Variants in MAGI1 observed in about 807,000 individuals in gnomAD.
MAGI1 encodes the protein membrane-associated guanylate kinase, WW and PDZ domain-containing protein 1.
Under a neutral mutation model 139.9 loss-of-function variants are expected in MAGI1, and 58 were observed. The observed-to-expected ratio is 0.41, with a 90% CI of 0.34 to 0.52. The LOEUF (loss-of-function observed/expected upper bound fraction) is 0.52, where lower values mean the gene tolerates loss of function less well. Among genes scored for constraint, MAGI1 ranks in the 20% least tolerant of loss-of-function variants. The pLI, the probability that MAGI1 is intolerant of heterozygous loss-of-function variation, is 0.12. For missense variants in MAGI1, 1,874 were observed against 1,901.6 expected, an observed-to-expected ratio of 0.99 and a Z score of 0.27; for synonymous variants, 812 against 737.9, an observed-to-expected ratio of 1.10 and a Z score of -1.63.
intron 1 of MAGI1, among the ~76,000 whole-genome samples, chr3:65,876,297 C>A (rs978968901): frequency 3.9e-5 from 6 of 152,018 alleles, no homozygotes; most frequent in African/African-American, 7.2e-5. Flanking sequence ...ACAGCCACTG[C>A]ACTCCAGCCT....
At chr3:65,754,001 T>G (rs1397864813) in intron 1 of MAGI1, among the ~76,000 whole-genome samples, 1 of 152,146 alleles carries the variant, frequency 6.6e-6, no homozygotes, top group African/African-American at 2.4e-5. Context: ...AATGAATAAC[T>G]TATTGTGCCC....
chr3:65,719,606 C>T (rs2032753235), intron 1 of MAGI1, among the ~76,000 whole-genome samples: 4 of 151,054 alleles, frequency 2.6e-5, no homozygotes, highest in Admixed American at 2.6e-4. Context: ...AGTACAGTGG[C>T]ATAATCACAG....
At chr3:65,576,144 C>T (rs1225519482) in intron 2 of MAGI1, among the ~76,000 whole-genome samples, 4 of 152,122 alleles carry the variant, frequency 2.6e-5, no homozygotes, top group African/African-American at 9.7e-5. Flanking sequence ...TGTATATATA[C>T]ACACAGATTT....
At chr3:65,901,050 A>G (rs1693734984) in intron 1 of MAGI1, among the ~76,000 whole-genome samples, 1 of 152,162 alleles carries the variant, frequency 6.6e-6, no homozygotes, top group Admixed American at 6.5e-5. Context: ...TGTTTCCAAA[A>G]CTGGCCTACA....
In MAGI1 at chr3:65,612,652, T is replaced by C. The variant is rs143147324; in HGVS notation, c.430+9320A>G. On this transcript the variant is annotated intron_variant, in intron 2 of 22. Transcript: ENST00000402939. ...GGCAATCAGAACACAATTGGTGAAATTTCCTTACTTGGACCACAGAAGAAA... is the reference window on the plus strand; with the variant it reads ...GGCAATCAGAACACAATTGGTGAAACTTCCTTACTTGGACCACAGAAGAAA... Among the ~76,000 whole-genome samples the C allele has an allele frequency of 7.2e-5, 11 of 152,188 alleles. No homozygotes were observed. The East Asian group carries it at 2.1e-3, about 29-fold the overall frequency.
At chr3:65,703,755 G>C (rs2089776098) in intron 1 of MAGI1, among the ~76,000 whole-genome samples, 1 of 152,202 alleles carries the variant, frequency 6.6e-6, no homozygotes, top group Admixed American at 6.5e-5. Context: ...GCCTGCGGGA[G>C]AGAAGGAGGG....
rs1250935555 is a variant in MAGI1 at position 65,475,316 on chromosome 3, T to C, written c.757+3276A>G. ...GCAACCTCTGCCTCCGGGGTTCAAG[T>C]GATTCTCCTGCCTTGGCCTCCTGAG... is the stretch of plus-strand genomic sequence containing the variant. On this transcript the variant is annotated intron_variant, in intron 4 of 22. Coordinates refer to ENST00000402939, the MANE Select transcript of MAGI1 (RefSeq NM_001033057.2). 3.3e-5 allele frequency among the ~76,000 whole-genome samples: 5 copies of C among 152,182 alleles called. No individual in the cohort carries two copies. In the East Asian group the frequency reaches 7.7e-4, roughly 24 times the overall value.
At chr3:65,615,410 G>C (rs1050303135) in intron 2 of MAGI1, among the ~76,000 whole-genome samples, 1 of 152,164 alleles carries the variant, frequency 6.6e-6, no homozygotes, top group African/African-American at 2.4e-5. Flanking sequence ...TCACGGTCAG[G>C]AATGTCCAGG....
chr3:65,946,963 C>T (rs901967698), intron 1 of MAGI1, among the ~76,000 whole-genome samples: 4 of 152,154 alleles, frequency 2.6e-5, no homozygotes, highest in African/African-American at 9.7e-5. Flanking sequence ...ATGCAAAACT[C>T]TACAACTGAA....
At chr3:65,789,902 A>G (rs1559884874) in intron 1 of MAGI1, among the ~76,000 whole-genome samples, 3 of 152,236 alleles carry the variant, frequency 2.0e-5, no homozygotes, top group Non-Finnish European at 4.4e-5. Context: ...CACAAAAAGG[A>G]AGCATTCTGC....
chr3:65,769,013 T>A (rs2037726249), intron 1 of MAGI1, among the ~76,000 whole-genome samples: 1 of 152,120 alleles, frequency 6.6e-6, no homozygotes, highest in Non-Finnish European at 1.5e-5. Context: ...AAGAGCCTCT[T>A]GGTAACTTAA....
chr3:65,405,000 G>A (rs1014503978), intron 12 of MAGI1, among the ~76,000 whole-genome samples: 2 of 152,276 alleles, frequency 1.3e-5, no homozygotes, highest in South Asian at 2.1e-4. Flanking sequence ...TAATGGGCTT[G>A]TCTGGTCCAT....
intron 1 of MAGI1, among the ~76,000 whole-genome samples, chr3:65,700,293 T>C (rs2089507194): frequency 6.6e-6 from 1 of 151,688 alleles, no homozygotes; most frequent in Non-Finnish European, 1.5e-5. Context: ...AACACAAAAA[T>C]TAGTTGGGCA....
chr3:65,584,389 T>C (rs1473058194), intron 2 of MAGI1, among the ~76,000 whole-genome samples: 1 of 152,138 alleles, frequency 6.6e-6, no homozygotes, highest in Non-Finnish European at 1.5e-5. Flanking sequence ...GACTACAACA[T>C]ACCCACTATC....
At chr3:65,485,241 A>G (rs2107638202) in intron 3 of MAGI1, among the ~76,000 whole-genome samples, 1 of 152,292 alleles carries the variant, frequency 6.6e-6, no homozygotes, top group African/African-American at 2.4e-5. Context: ...TAAAACTGCA[A>G]TACTTTCTTT....
In MAGI1 at chr3:65,553,811, T is replaced by G. The variant is rs181779415; in HGVS notation, c.431-60180A>C. ...GCAGTCTGTCTGTCCTGAGTGGGTA[T>G]CCCCATGATCCATACTCACTTGGGC... On this transcript the variant is annotated intron_variant, in intron 2 of 22. Coordinates refer to ENST00000402939, the MANE Select transcript of MAGI1 (RefSeq NM_001033057.2). Among the ~76,000 whole-genome samples the G allele has an allele frequency of 2.6e-5, 4 of 152,296 alleles. No homozygotes were observed. In the East Asian group the frequency reaches 7.7e-4, roughly 29 times the overall value.
intron 12 of MAGI1, among the ~76,000 whole-genome samples, chr3:65,409,822 G>T (rs1208657547): frequency 1.3e-5 from 2 of 152,186 alleles, no homozygotes; most frequent in African/African-American, 4.8e-5. Flanking sequence ...ATAATTTAGA[G>T]AGATAGTTGG....
At position 65,530,661 on chromosome 3, in the gene MAGI1, GTA is replaced by G. The variant is rs1296422725; in HGVS notation, c.431-37032_431-37031del. Among the ~76,000 whole-genome samples the G allele has an allele frequency of 4.2e-3, 389 of 92,872 alleles. 6 individuals are homozygous for G. Among genetic ancestry groups the G allele is most frequent in the African/African-American group, 0.015 (337 of 22,516 alleles). 60.9% of individuals were successfully genotyped at this position (92,872 alleles called of 152,430 possible). On this transcript the variant is annotated intron_variant, in intron 2 of 22. Transcript: ENST00000402939. ...TGTGTGTGTGTGTGTGTGTGTGTGT[GTA>G]TATATATATACATATATATATACGT...
chr3:65,495,323 G>T (rs1204956345), intron 2 of MAGI1, among the ~76,000 whole-genome samples: 2 of 152,132 alleles, frequency 1.3e-5, no homozygotes, highest in East Asian at 3.9e-4. Context: ...CTTTTTGAGG[G>T]CTTTGCTCAA....
Sources: gnomAD v4.1 joint callset for allele counts (sites outside exome capture counted in the v4.1 genomes callset) on GRCh38, gnomAD v4.1.1 for gene constraint, MANE v1.5 for transcripts, NCBI Gene and HGNC (gene_info 2026-07-23, HGNC 2026-07-21) for gene names.